Variants in PRR5L observed in about 807,000 individuals in gnomAD.
PRR5L encodes proline rich 5 like, also known as proline-rich protein 5-like.
A neutral mutation model predicts 36.4 loss-of-function variants in PRR5L; 21 were observed. The observed-to-expected ratio is 0.58, with a 90% CI of 0.41 to 0.83. The LOEUF (loss-of-function observed/expected upper bound fraction) is 0.83. PRR5L is among the 40% of genes least tolerant of loss of function. The pLI is 0.00. For synonymous variants in PRR5L, 188 were observed against 197.0 expected, an observed-to-expected ratio of 0.95 and a Z score of 0.38; for missense variants, 381 against 473.3, an observed-to-expected ratio of 0.80 and a Z score of 1.81.
chr11:36,324,218 G>T (rs1008198388), intron 1 of PRR5L, among the ~76,000 whole-genome samples: 2 of 152,246 alleles, frequency 1.3e-5, no homozygotes, highest in Non-Finnish European at 1.5e-5. Context: ...TAGTACAAAA[G>T]AATGGATCAC....
intron 3 of PRR5L, among the ~76,000 whole-genome samples, chr11:36,414,181 C>T (rs1463208120): frequency 5.9e-5 from 9 of 151,564 alleles, no homozygotes; most frequent in African/African-American, 1.9e-4. Flanking sequence ...CATACGTGTG[C>T]ATGTGTCTTT....
At chr11:36,444,784 G>A (rs929879355) in intron 6 of PRR5L, among the ~76,000 whole-genome samples, 1 of 152,048 alleles carries the variant, frequency 6.6e-6, no homozygotes, top group African/African-American at 2.4e-5. Flanking sequence ...CAGTTCTATT[G>A]TTCACTTCCC....
At chr11:36,425,722 T>C (rs1029424776) in intron 4 of PRR5L, 1 of 152,064 alleles carries the variant, frequency 6.6e-6, no homozygotes, top group Non-Finnish European at 1.5e-5. Flanking sequence ...GTAAGTTGTG[T>C]TTGTAAGACT....
At chr11:36,313,639 C>T (rs952450788) in intron 1 of PRR5L, among the ~76,000 whole-genome samples, 7 of 152,114 alleles carry the variant, frequency 4.6e-5, no homozygotes, top group Admixed American at 2.6e-4. Flanking sequence ...AAGTTCATTC[C>T]CGATGTCTTT....
intron 1 of PRR5L, among the ~76,000 whole-genome samples, chr11:36,318,802 G>T (rs1441999435): frequency 1.3e-5 from 2 of 152,124 alleles, no homozygotes; most frequent in African/African-American, 4.8e-5. Flanking sequence ...TGGATCACAG[G>T]ACAGGTGAGA....
chr11:36,443,026 T>C (rs996966825), intron 6 of PRR5L, among the ~76,000 whole-genome samples: 2 of 152,304 alleles, frequency 1.3e-5, no homozygotes, highest in Admixed American at 6.5e-5. Context: ...ATTTTCTGTA[T>C]TAGTTCATTT....
intron 1 of PRR5L, among the ~76,000 whole-genome samples, chr11:36,379,656 C>T (rs897105532): frequency 3.9e-5 from 6 of 152,094 alleles, no homozygotes; most frequent in Admixed American, 2.0e-4. Flanking sequence ...ACAAAGAGAG[C>T]GGTACCCTGA....
intron 8 of PRR5L, 54 bp downstream of exon 8, chr11:36,451,389 A>G: frequency 6.3e-7 from 1 of 1,599,064 alleles, no homozygotes; most frequent in South Asian, 1.1e-5. Flanking sequence ...TGATACCAGC[A>G]CTGTTTAACT....
intron 3 of PRR5L, among the ~76,000 whole-genome samples, chr11:36,416,949 T>G (rs1858157670): frequency 6.6e-6 from 1 of 152,192 alleles, no homozygotes; most frequent in Non-Finnish European, 1.5e-5. Flanking sequence ...TCACAATTAT[T>G]ACACCATCAT....
chr11:36,321,522 T>G (rs1211456554), intron 1 of PRR5L: 1 of 152,226 alleles, frequency 6.6e-6, no homozygotes, highest in Non-Finnish European at 1.5e-5. Context: ...TCAACTAACA[T>G]GTCTAAAAGG....
At chr11:36,436,357 C>T (rs1590588902) in intron 5 of PRR5L, among the ~76,000 whole-genome samples, 1 of 152,176 alleles carries the variant, frequency 6.6e-6, no homozygotes, top group African/African-American at 2.4e-5. Context: ...TGTGCAGGCT[C>T]CTCTTTGCCA....
At chr11:36,407,130 A>G (rs1857928101) in intron 3 of PRR5L, among the ~76,000 whole-genome samples, 1 of 152,156 alleles carries the variant, frequency 6.6e-6, no homozygotes, top group African/African-American at 2.4e-5. Context: ...GTGATACATA[A>G]TGGGTGAGTA....
intron 5 of PRR5L, among the ~76,000 whole-genome samples, chr11:36,433,129 A>G (rs1858535404): frequency 6.6e-6 from 1 of 152,198 alleles, no homozygotes; most frequent in South Asian, 2.1e-4. Flanking sequence ...AATATAAAAT[A>G]TACCCTCTTT....
At chr11:36,355,834 A>AT (rs774458474) in intron 1 of PRR5L, among the ~76,000 whole-genome samples, 32 of 151,488 alleles carry the variant, frequency 2.1e-4, no homozygotes, top group Non-Finnish European at 3.8e-4. Flanking sequence ...GAGTGCTGGG[A>AT]TTACAGGGGT....
chr11:36,462,296 A>G, intron 8 of PRR5L, 46 bp from the exon 9 acceptor site: 4 of 1,479,778 alleles, frequency 2.7e-6, no homozygotes, highest in Non-Finnish European at 3.6e-6. Context: ...TTTAAGCACC[A>G]ATACCCCCTC....
intron 1 of PRR5L, among the ~76,000 whole-genome samples, chr11:36,370,130 C>T (rs1000478593): frequency 5.3e-5 from 8 of 152,162 alleles, no homozygotes; most frequent in Admixed American, 6.6e-5. Flanking sequence ...ATCTTGTCCC[C>T]CACCCCACCT....
At chr11:36,312,324 G>A (rs564337841) in intron 1 of PRR5L, among the ~76,000 whole-genome samples, 1 of 152,176 alleles carries the variant, frequency 6.6e-6, no homozygotes, top group African/African-American at 2.4e-5. Context: ...AAAAGGTGGG[G>A]GAAGAAAAGA....
chr11:36,311,658 A>G (rs1856504351), intron 1 of PRR5L, among the ~76,000 whole-genome samples: 1 of 152,198 alleles, frequency 6.6e-6, no homozygotes. Flanking sequence ...AAAGGTAGAT[A>G]TGGCAGTCTC....
intron 6 of PRR5L, among the ~76,000 whole-genome samples, chr11:36,443,609 T>C (rs11601211): frequency 0.06 from 9,168 of 152,280 alleles, 301 homozygotes; most frequent in Non-Finnish European, 0.074. Context: ...AAGCACTTAA[T>C]TTTGCATATG....
Sources: allele counts gnomAD v4.1 joint callset (sites outside exome capture counted in the v4.1 genomes callset), GRCh38; gene constraint gnomAD v4.1.1; transcripts MANE v1.5; gene names NCBI Gene and HGNC (gene_info 2026-07-23, HGNC 2026-07-21).